The following TANGO6 variants were observed in gnomAD, a reference collection of about 807,000 sequenced individuals.
The protein encoded by TANGO6 is transport and Golgi organization protein 6 homolog.
A neutral mutation model predicts 114.2 loss-of-function variants in TANGO6; 90 were observed. The observed-to-expected ratio is 0.79, with a 90% CI of 0.66 to 0.94. The LOEUF (loss-of-function observed/expected upper bound fraction) is 0.94, where lower values mean the gene tolerates loss of function less well. Ranked by LOEUF, TANGO6 falls within the 40% of genes least tolerant of loss-of-function variation. The pLI, the probability that TANGO6 is intolerant of heterozygous loss-of-function variation, is 0.00. For synonymous variants in TANGO6, 477 were observed against 509.8 expected, an observed-to-expected ratio of 0.94 and a Z score of 0.87; for missense variants, 1,274 against 1,315.3, an observed-to-expected ratio of 0.97 and a Z score of 0.49.
At chr16:68,888,039 G>A (rs1169370573) in intron 7 of TANGO6, among the ~76,000 whole-genome samples, 1 of 152,226 alleles carries the variant, frequency 6.6e-6, no homozygotes, top group Non-Finnish European at 1.5e-5. Flanking sequence ...GGGGGGCCAG[G>A]AGGAAAGTTC....
chr16:68,959,947 C>T (rs1301644156), intron 14 of TANGO6, among the ~76,000 whole-genome samples: 1 of 152,192 alleles, frequency 6.6e-6, no homozygotes, highest in Non-Finnish European at 1.5e-5. Flanking sequence ...CCTACCTGGA[C>T]CACCCATCTC....
At chr16:69,046,280 G>A (rs536990193) in intron 17 of TANGO6, among the ~76,000 whole-genome samples, 4 of 150,914 alleles carry the variant, frequency 2.7e-5, no homozygotes, top group Non-Finnish European at 5.9e-5. Flanking sequence ...CAACTAAGAC[G>A]AACCTCAAGG....
chr16:68,934,460 A>G (rs1471992564), intron 14 of TANGO6, among the ~76,000 whole-genome samples: 3 of 152,180 alleles, frequency 2.0e-5, no homozygotes, highest in African/African-American at 7.2e-5. Flanking sequence ...CAAAGAGACA[A>G]AATGACCACC....
intron 17 of TANGO6, among the ~76,000 whole-genome samples, chr16:69,055,817 G>T (rs1424577026): frequency 1.3e-5 from 2 of 152,210 alleles, no homozygotes; most frequent in Non-Finnish European, 2.9e-5. Context: ...CAGGTGGATT[G>T]CCTGAGGTCA....
intron 17 of TANGO6, among the ~76,000 whole-genome samples, chr16:69,078,031 A>T (rs1208652540): frequency 2.0e-5 from 3 of 152,168 alleles, no homozygotes; most frequent in African/African-American, 7.2e-5. Flanking sequence ...CGGGAAGGGC[A>T]GGAAGACTTA....
At chr16:69,044,313 G>T (rs550963773) in intron 17 of TANGO6, among the ~76,000 whole-genome samples, 1 of 152,246 alleles carries the variant, frequency 6.6e-6, no homozygotes. Flanking sequence ...GAGCCACTGT[G>T]CCTGGCCCTG....
intron 16 of TANGO6, among the ~76,000 whole-genome samples, chr16:69,030,639 G>A (rs1224180688): frequency 2.0e-5 from 3 of 152,040 alleles, no homozygotes; most frequent in African/African-American, 7.2e-5. Flanking sequence ...ATCAAGCATT[G>A]CTTATTTAGC....
At chr16:68,875,444 G>T (rs1475430101) in intron 5 of TANGO6, among the ~76,000 whole-genome samples, 154 bp downstream of exon 5, 1 of 152,078 alleles carries the variant, frequency 6.6e-6, no homozygotes, top group Non-Finnish European at 1.5e-5. Flanking sequence ...ATAAAAACCG[G>T]TGGAAGAGAC....
At chr16:68,984,758 G>T (rs543276331) in intron 15 of TANGO6, among the ~76,000 whole-genome samples, 69 of 152,296 alleles carry the variant, frequency 4.5e-4, no homozygotes, top group African/African-American at 1.6e-3. Context: ...CTGAGCTCAA[G>T]TGATCTGCCT....
intron 14 of TANGO6, among the ~76,000 whole-genome samples, chr16:68,935,666 C>T (rs541681210): frequency 7.2e-5 from 11 of 152,206 alleles, no homozygotes; most frequent in South Asian, 2.1e-4. Flanking sequence ...CTCTGAGTTC[C>T]GGTTACCCTA....
chr16:68,894,260 A>G (rs1962673746), intron 7 of TANGO6, among the ~76,000 whole-genome samples: 1 of 152,222 alleles, frequency 6.6e-6, no homozygotes, highest in Non-Finnish European at 1.5e-5. Context: ...ATAAGAGGGA[A>G]GTGACCAGAT....
chr16:68,886,515 C>CTT (rs763738871), intron 7 of TANGO6, among the ~76,000 whole-genome samples: 1 of 143,472 alleles, frequency 7.0e-6, no homozygotes, highest in South Asian at 2.2e-4. Flanking sequence ...TCTCTCCATA[C>CTT]TTTTTTTTTT....
intron 15 of TANGO6, among the ~76,000 whole-genome samples, chr16:68,979,966 C>T (rs1567552421): frequency 6.6e-6 from 1 of 151,746 alleles, no homozygotes; most frequent in Non-Finnish European, 1.5e-5. Flanking sequence ...GCCTCAGCCT[C>T]CTGAGTAGCT....
chr16:68,940,248 C>T, intron 14 of TANGO6, among the ~76,000 whole-genome samples: 1 of 150,692 alleles, frequency 6.6e-6, no homozygotes, highest in Non-Finnish European at 1.5e-5. Context: ...GACAGGGTCT[C>T]ACTGTGTCAC....
At chr16:69,050,583 G>A (rs943476262) in intron 17 of TANGO6, among the ~76,000 whole-genome samples, 1 of 151,290 alleles carries the variant, frequency 6.6e-6, no homozygotes, top group African/African-American at 2.4e-5. Flanking sequence ...TCCGCCTCCC[G>A]GGTTCAAGCA....
chr16:68,912,260 G>A (rs1485052622), intron 11 of TANGO6, among the ~76,000 whole-genome samples: 1 of 152,208 alleles, frequency 6.6e-6, no homozygotes, highest in Non-Finnish European at 1.5e-5. Flanking sequence ...CACTTTGGGA[G>A]TCTGAAGCAG....
chr16:68,901,993 G>A (rs574059912), intron 8 of TANGO6, among the ~76,000 whole-genome samples: 1 of 149,600 alleles, frequency 6.7e-6, no homozygotes, highest in Admixed American at 6.8e-5. Flanking sequence ...ATTTTTATCC[G>A]TGTATACTTT....
intron 1 of TANGO6, among the ~76,000 whole-genome samples, chr16:68,851,111 C>T (rs973625276): frequency 9.9e-5 from 15 of 151,956 alleles, no homozygotes; most frequent in Non-Finnish European, 2.1e-4. Flanking sequence ...CCCATTTTTA[C>T]ACAAAAGGTA....
At position 68,902,387 on chromosome 16, in the gene TANGO6, T is replaced by C. The variant is rs749742294; in HGVS notation, c.1550T>C (p.Ile517Thr). The C allele has an allele frequency of 1.2e-6, 2 of 1,613,730 alleles. No individual in the cohort carries two copies. The highest frequency in any genetic ancestry group is 1.7e-6 in the Non-Finnish European group (2 of 1,179,790). The change falls in exon 9 of 18, where the codon ATT (isoleucine) becomes ACT (threonine). Residue 517 changes from isoleucine to threonine, a missense_variant. Around this residue, in one of 5 missense-constraint regions of TANGO6, gnomAD observed 908 missense variants for 910.2 expected, o/e 1.00. Coordinates refer to ENST00000261778, the MANE Select transcript of TANGO6 (RefSeq NM_024562.2). ...ILGKLERKKA[I>T]ASLKGFAGLD... ...GGGAAGCTGGAAAGGAAGAAGGCAA[T>C]TGCCAGCCTGAAAGGATTTGCAGGG... is the stretch of plus-strand genomic sequence containing the variant.
Sources: allele counts gnomAD v4.1 joint callset (sites outside exome capture counted in the v4.1 genomes callset), GRCh38; gene constraint gnomAD v4.1.1; regional missense constraint gnomAD v4.1.1; transcripts MANE v1.5; gene names NCBI Gene and HGNC (gene_info 2026-07-23, HGNC 2026-07-21).